CFAP47: variants seen among roughly 807,000 people sequenced by gnomAD.
The protein encoded by CFAP47 is cilia- and flagella-associated protein 47.
A neutral mutation model predicts 148.1 loss-of-function variants in CFAP47; 29 were observed. The observed-to-expected ratio is 0.20, with a 90% confidence interval of 0.15 to 0.27. CFAP47 has a LOEUF of 0.27. Ranked by LOEUF, CFAP47 falls within the 10% of genes least tolerant of loss-of-function variation. The pLI, the probability that CFAP47 is intolerant of heterozygous loss-of-function variation, is 1.00. For synonymous variants in CFAP47, 664 were observed against 577.3 expected, an observed-to-expected ratio of 1.15 and a Z score of -2.15; for missense variants, 1,872 against 1,697.5, an observed-to-expected ratio of 1.10 and a Z score of -1.81.
intron 25 of CFAP47, among the ~76,000 whole-genome samples, chrX:36,046,198 T>C (rs1006519080): frequency 1.8e-5 from 2 of 110,677 alleles, no homozygotes; most frequent in Non-Finnish European, 3.8e-5. Flanking sequence ...CATATATAAG[T>C]AAACAAAGTA....
chrX:36,244,301 C>G (rs1187457228), intron 48 of CFAP47, among the ~76,000 whole-genome samples: 1 of 111,129 alleles, frequency 9.0e-6, no homozygotes, highest in Non-Finnish European at 1.9e-5. Flanking sequence ...CTCAAATTAA[C>G]AATTTAACTT....
At chrX:36,017,008 G>A (rs1268545155) in intron 22 of CFAP47, among the ~76,000 whole-genome samples, 1 of 110,452 alleles carries the variant, frequency 9.1e-6, no homozygotes, top group Non-Finnish European at 1.9e-5. Flanking sequence ...ATTTTAAATC[G>A]GATTATTAGA....
At chrX:36,337,856 CTT>C (rs1196038760) in intron 57 of CFAP47, among the ~76,000 whole-genome samples, 5 of 58,310 alleles carry the variant, frequency 8.6e-5, no homozygotes, top group African/African-American at 1.8e-4. Flanking sequence ...TTCCATAATC[CTT>C]TTTTTTTTTT....
intron 45 of CFAP47, 146 bp from the exon 46 acceptor site, chrX:36,228,482 A>G (rs1163813770): frequency 2.3e-6 from 1 of 433,947 alleles, no homozygotes; most frequent in Non-Finnish European, 4.0e-6. Flanking sequence ...TAAGCCCTGG[A>G]GATTTAGAAG....
chrX:36,371,303 CCACTAT>C (rs1257451366), intron 62 of CFAP47, among the ~76,000 whole-genome samples: 4 of 110,233 alleles, frequency 3.6e-5, no homozygotes, highest in Non-Finnish European at 7.6e-5. Flanking sequence ...CATCTCTTGG[CCACTAT>C]CACTAAGTCC....
At chrX:35,924,289 G>A (rs745423324) in intron 1 of CFAP47, among the ~76,000 whole-genome samples, 1 of 101,087 alleles carries the variant, frequency 9.9e-6, no homozygotes, top group Non-Finnish European at 1.9e-5. Context: ...ATATGTACAT[G>A]TATGTGTACA....
chrX:36,106,884 A>G (rs773223343), intron 33 of CFAP47, among the ~76,000 whole-genome samples: 2 of 111,811 alleles, frequency 1.8e-5, no homozygotes, highest in East Asian at 2.8e-4. Context: ...ACTCTGTTTG[A>G]TACTATAATT....
intron 37 of CFAP47, among the ~76,000 whole-genome samples, chrX:36,155,428 C>T (rs1232980123): frequency 9.0e-6 from 1 of 111,509 alleles, no homozygotes; most frequent in Non-Finnish European, 1.9e-5. Flanking sequence ...CTTTTATGCC[C>T]AATTGTCTGA....
rs1386255651 is a variant in CFAP47 at position 35,919,765 on chromosome X, T to A, written c.-35T>A. On this transcript the variant is annotated 5_prime_UTR_variant, in exon 1 of 64. Transcript: ENST00000378653. Reference sequence around the variant, plus strand: ...CGACGCTAATCCTTGGCCGGACGGATCCACATCTGTTTTCTGGCTACCGAG... The same window carrying A: ...CGACGCTAATCCTTGGCCGGACGGAACCACATCTGTTTTCTGGCTACCGAG... The A allele has an allele frequency of 1.7e-6, 2 of 1,181,734 alleles. No individual in the cohort carries two copies. Among genetic ancestry groups the A allele is most frequent in the Admixed American group, 4.6e-5 (2 of 43,672 alleles).
chrX:36,348,428 T>A, intron 58 of CFAP47, 140 bp downstream of exon 58: 1 of 247,291 alleles, frequency 4.0e-6, no homozygotes, highest in Non-Finnish European at 7.2e-6. Context: ...ATTCATATGT[T>A]CAGAGGAGGA....
intron 30 of CFAP47, among the ~76,000 whole-genome samples, chrX:36,092,137 G>A (rs917113991): frequency 1.3e-4 from 14 of 111,400 alleles, no homozygotes; most frequent in African/African-American, 4.5e-4. Flanking sequence ...TAAATTATAT[G>A]CATATAAATA....
chrX:36,030,107 A>T (rs2146717944), intron 22 of CFAP47, among the ~76,000 whole-genome samples: 1 of 110,366 alleles, frequency 9.1e-6, no homozygotes, highest in Admixed American at 9.7e-5. Flanking sequence ...AATACCTCTC[A>T]AAAGGCTGGC....
intron 50 of CFAP47, among the ~76,000 whole-genome samples, chrX:36,284,296 A>G (rs781793787): frequency 9.0e-6 from 1 of 111,713 alleles, no homozygotes; most frequent in East Asian, 2.8e-4. Context: ...TTTGCCCTCA[A>G]GAACTCCTCA....
Position 36,138,013 on chromosome X carries a change from T to A in CFAP47, c.5376T>A (p.Gly1792=), listed in dbSNP as rs751013362. 2.1e-6 allele frequency: 2 copies of A among 963,546 alleles called. No homozygotes were observed. Among genetic ancestry groups the A allele is most frequent in the East Asian group, 6.2e-5 (2 of 32,071 alleles). 79.4% of individuals were successfully genotyped at this position (963,546 alleles called of 1,213,427 possible). A position where few individuals can be genotyped will look rare whatever the true frequency, so the allele number is the denominator to read the frequency against. ...IVNFDKDLSD[G]LVFATQLGAY... ...ATTTTGACAAAGACCTTTCAGATGG[T>A]CTTGTTTTTGCAACACAGTTGGGAG... is the stretch of plus-strand genomic sequence containing the variant. Residue 1792 remains glycine (G), a synonymous_variant, in exon 34 of 64, where the codon GGT becomes GGA. Coordinates refer to ENST00000378653, the MANE Select transcript of CFAP47 (RefSeq NM_001304548.2).
In CFAP47 at chrX:36,268,961, G is replaced by A. The variant is rs782253197; in HGVS notation, c.7445-11526G>A. On this transcript the variant is annotated intron_variant, in intron 49 of 63. Coordinates refer to ENST00000378653, the MANE Select transcript of CFAP47 (RefSeq NM_001304548.2). ...CATAATCTATTGAATTTACTAATTC[G>A]GTCAGATAATTTTTCAGAAATTCTG... Among the ~76,000 whole-genome samples the A allele has an allele frequency of 5.5e-4, 61 of 111,247 alleles. 1 individual carries two copies. In the South Asian group the frequency reaches 8.6e-3, roughly 16 times the overall value.
intron 39 of CFAP47, among the ~76,000 whole-genome samples, chrX:36,170,113 G>A (rs1241978578): frequency 1.8e-5 from 2 of 111,300 alleles, no homozygotes; most frequent in Non-Finnish European, 3.8e-5. Context: ...AAGTTCCAAT[G>A]CAACAAACTC....
chrX:36,342,442 G>A (rs978874929), intron 57 of CFAP47, among the ~76,000 whole-genome samples: 20 of 111,747 alleles, frequency 1.8e-4, no homozygotes, highest in African/African-American at 6.2e-4. Context: ...AAATGAGCTG[G>A]AAAAGAAAGC....
At chrX:36,318,498 A>C (rs1316024459) in intron 56 of CFAP47, among the ~76,000 whole-genome samples, 1 of 111,840 alleles carries the variant, frequency 8.9e-6, no homozygotes, top group African/African-American at 3.3e-5. Flanking sequence ...TGTAACCTAC[A>C]CATATACTTT....
In CFAP47 at chrX:36,061,226, G is replaced by A. The variant is rs982503145; in HGVS notation, c.4218-4417G>A. Reference sequence around the variant, plus strand: ...TCTTCACCTTCTGCCATCACTGTAAGTTTCTTGAGGCCTCCCCAGGCATGC... The same window carrying A: ...TCTTCACCTTCTGCCATCACTGTAAATTTCTTGAGGCCTCCCCAGGCATGC... On this transcript the variant is annotated intron_variant, in intron 26 of 63. Coordinates refer to ENST00000378653, the MANE Select transcript of CFAP47 (RefSeq NM_001304548.2). Among the ~76,000 whole-genome samples, 3 of 111,611 alleles carry A rather than the reference G, an allele frequency of 2.7e-5. No individual in the cohort carries two copies. The Admixed American group carries it at 2.9e-4, about 11-fold the overall frequency.
Sources: gnomAD v4.1 joint callset for allele counts (sites outside exome capture counted in the v4.1 genomes callset) on GRCh38, gnomAD v4.1.1 for gene constraint, MANE v1.5 for transcripts, NCBI Gene and HGNC (gene_info 2026-07-23, HGNC 2026-07-21) for gene names.